SDK1: variants seen among roughly 807,000 people sequenced by gnomAD.
SDK1 encodes sidekick cell adhesion molecule 1, also known as protein sidekick-1.
A neutral mutation model predicts 245.5 loss-of-function variants in SDK1; 157 were observed. The observed-to-expected ratio is 0.64, with a 90% CI of 0.56 to 0.73. SDK1 has a LOEUF of 0.73. Among genes scored for constraint, SDK1 ranks in the 30% least tolerant of loss-of-function variants. SDK1 has a pLI of 0.00. For missense variants in SDK1, 3,583 were observed against 3,002.3 expected (o/e 1.19, Z -4.52); for synonymous variants, 1,647 against 1,278.5 (o/e 1.29, Z -6.15).
At chr7:4,150,848 C>T (rs997330789) in intron 30 of SDK1, among the ~76,000 whole-genome samples, 7 of 152,230 alleles carry the variant, frequency 4.6e-5, no homozygotes, top group African/African-American at 1.7e-4. Flanking sequence ...GGACCAGGCC[C>T]ATGACAGAGG....
chr7:3,742,340 C>T (rs1392166730), intron 4 of SDK1, among the ~76,000 whole-genome samples: 1 of 152,044 alleles, frequency 6.6e-6, no homozygotes, highest in South Asian at 2.1e-4. Context: ...TGCCTTTTCC[C>T]GTCTGCCTGA....
chr7:3,689,025 T>A (rs1273164641), intron 4 of SDK1, among the ~76,000 whole-genome samples: 1 of 152,202 alleles, frequency 6.6e-6, no homozygotes, highest in African/African-American at 2.4e-5. Context: ...TTCCTGTAAA[T>A]AAAGTTTTAT....
At position 4,229,384 on chromosome 7, in the gene SDK1, A is replaced by G. The variant is rs1026828953; in HGVS notation, c.5828-3871A>G. Among the ~76,000 whole-genome samples the G allele has an allele frequency of 5.3e-5, 8 of 152,220 alleles. 1 individual carries two copies. The highest frequency in any genetic ancestry group is 1.0e-4 in the Non-Finnish European group (7 of 68,042). The stretch of plus-strand genomic sequence containing the variant: ...TTTTCTTCTGTTAATTCAGAAGGAA[A>G]TTATCTCGGTATGACATTCCCCCTC... On this transcript the variant is annotated intron_variant, in intron 40 of 44. Coordinates refer to ENST00000404826, the MANE Select transcript of SDK1 (RefSeq NM_152744.4).
chr7:4,053,877 G>A (rs889424793), intron 19 of SDK1, among the ~76,000 whole-genome samples: 1 of 152,078 alleles, frequency 6.6e-6, no homozygotes, highest in Non-Finnish European at 1.5e-5. Flanking sequence ...TTGTTTAACT[G>A]ATTTTGGCTT....
intron 35 of SDK1, among the ~76,000 whole-genome samples, chr7:4,204,091 C>A (rs1784049845): frequency 6.6e-6 from 1 of 152,212 alleles, no homozygotes; most frequent in African/African-American, 2.4e-5. Flanking sequence ...GGAAAGAAAC[C>A]CTGGGGCTGT....
intron 4 of SDK1, among the ~76,000 whole-genome samples, chr7:3,786,470 G>A (rs190092581): frequency 8.5e-5 from 13 of 152,202 alleles, no homozygotes; most frequent in South Asian, 4.2e-4. Context: ...GCCTAGCAAC[G>A]GTCATACATT....
intron 5 of SDK1, among the ~76,000 whole-genome samples, chr7:3,879,945 T>C (rs1314169310): frequency 6.6e-6 from 1 of 152,104 alleles, no homozygotes; most frequent in African/African-American, 2.4e-5. Context: ...TCCTGCAGAA[T>C]TTTAATCACT....
chr7:3,854,825 G>GT (rs769296269), intron 5 of SDK1, among the ~76,000 whole-genome samples: 63 of 152,186 alleles, frequency 4.1e-4, no homozygotes, highest in African/African-American at 1.3e-3. Flanking sequence ...GAAAAGATGG[G>GT]AAGGGATGTA....
At chr7:3,642,335 C>G (rs1257989269) in intron 4 of SDK1, among the ~76,000 whole-genome samples, 2 of 152,204 alleles carry the variant, frequency 1.3e-5, no homozygotes, top group South Asian at 2.1e-4. Flanking sequence ...GTTGCATGCC[C>G]TAAAACTAAA....
intron 5 of SDK1, among the ~76,000 whole-genome samples, chr7:3,911,329 G>A (rs887949454): frequency 7.2e-5 from 11 of 152,100 alleles, no homozygotes; most frequent in African/African-American, 1.9e-4. Context: ...TTTGTTGGGG[G>A]GCTGTAACAA....
chr7:3,944,377 T>G (rs1780494587), intron 5 of SDK1, among the ~76,000 whole-genome samples: 1 of 152,380 alleles, frequency 6.6e-6, no homozygotes, highest in South Asian at 2.1e-4. Context: ...TTTCTCTACT[T>G]TTGTTTTCGT....
At chr7:3,562,984 A>C (rs1487805247) in intron 1 of SDK1, among the ~76,000 whole-genome samples, 1 of 151,376 alleles carries the variant, frequency 6.6e-6, no homozygotes, top group African/African-American at 2.4e-5. Context: ...GAAGGCTAGG[A>C]CATAAGAAAA....
At chr7:3,665,516 T>A (rs1351385888) in intron 4 of SDK1, among the ~76,000 whole-genome samples, 1 of 152,208 alleles carries the variant, frequency 6.6e-6, no homozygotes, top group East Asian at 1.9e-4. Flanking sequence ...ACCACACATA[T>A]TGATGTTCAA....
chr7:4,067,859 T>A lies in SDK1; in HGVS notation c.2933T>A (p.Leu978Gln). The A allele has an allele frequency of 6.2e-7, 1 of 1,613,020 alleles. No homozygotes were observed. The highest frequency in any genetic ancestry group is 1.1e-5 in the South Asian group (1 of 90,612). ...GTAGAACCAGGAGCTGTGGGACATCTGAGTTTCACAGAGATCTTGGACACA... is the reference window on the plus strand; with the variant it reads ...GTAGAACCAGGAGCTGTGGGACATCAGAGTTTCACAGAGATCTTGGACACA... ...QEDKPGAVGH[L>Q]SFTEILDTSL... Residue 978 changes from leucine to glutamine, a missense_variant, in exon 20 of 45, where the codon CTG (leucine) becomes CAG (glutamine). Physicochemically the swap from Leu to Gln is moderately radical, Grantham distance 113. Coordinates refer to ENST00000404826, the MANE Select transcript of SDK1 (RefSeq NM_152744.4).
intron 4 of SDK1, among the ~76,000 whole-genome samples, chr7:3,680,402 A>T (rs1784062645): frequency 6.6e-6 from 1 of 152,078 alleles, no homozygotes; most frequent in African/African-American, 2.4e-5. Flanking sequence ...GATTGTAGTG[A>T]TGGTTGTATA....
At chr7:3,755,759 A>T (rs1180404346) in intron 4 of SDK1, among the ~76,000 whole-genome samples, 1 of 152,168 alleles carries the variant, frequency 6.6e-6, no homozygotes, top group Admixed American at 6.5e-5. Flanking sequence ...AAATGGCTAC[A>T]TGCAGTATGG....
At chr7:3,497,651 A>C (rs1436837901) in intron 1 of SDK1, among the ~76,000 whole-genome samples, 1 of 152,236 alleles carries the variant, frequency 6.6e-6, no homozygotes, top group African/African-American at 2.4e-5. Flanking sequence ...GCCTGTTAAG[A>C]TTATATTGTT....
At chr7:3,933,130 T>TTC (rs1780039723) in intron 5 of SDK1, among the ~76,000 whole-genome samples, 2 of 143,478 alleles carry the variant, frequency 1.4e-5, no homozygotes, top group African/African-American at 5.3e-5. Context: ...GATCTTTTTT[T>TTC]TTTTTTTTTT....
chr7:3,779,147 A>G (rs1780650501), intron 4 of SDK1, among the ~76,000 whole-genome samples: 1 of 152,188 alleles, frequency 6.6e-6, no homozygotes, highest in Non-Finnish European at 1.5e-5. Flanking sequence ...GATTGATGTG[A>G]AAAAATAAAC....
Sources: gnomAD v4.1 joint callset for allele counts (sites outside exome capture counted in the v4.1 genomes callset) on GRCh38, gnomAD v4.1.1 for gene constraint, MANE v1.5 for transcripts, NCBI Gene and HGNC (gene_info 2026-07-23, HGNC 2026-07-21) for gene names.